SNX29: variants seen among roughly 807,000 people sequenced by gnomAD.
The protein encoded by SNX29 is sorting nexin 29, also known as sorting nexin-29.
A neutral mutation model predicts 102.1 loss-of-function variants in SNX29; 78 were observed. The ratio of observed to expected loss-of-function variants is 0.76; its 90% CI spans 0.64 to 0.92. The LOEUF is 0.92. Among genes scored for constraint, SNX29 ranks in the 40% least tolerant of loss-of-function variants. The pLI is 0.00. For synonymous variants in SNX29, 580 were observed against 414.5 expected, an observed-to-expected ratio of 1.40 and a Z score of -4.85; for missense variants, 1,280 against 1,061.7, an observed-to-expected ratio of 1.21 and a Z score of -2.86.
At chr16:12,094,049 C>T (rs373139250) in intron 11 of SNX29, among the ~76,000 whole-genome samples, 1 of 152,130 alleles carries the variant, frequency 6.6e-6, no homozygotes, top group South Asian at 2.1e-4. Context: ...TGTGTTCTTA[C>T]GCACATCCCT....
chr16:12,547,684 G>A (rs963340421), intron 20 of SNX29, among the ~76,000 whole-genome samples: 65 of 151,998 alleles, frequency 4.3e-4, no homozygotes, highest in Non-Finnish European at 7.2e-4. Flanking sequence ...ATAAAACCTG[G>A]CCCCCGCGTT....
chr16:12,520,979 A>C (rs1025660041), intron 19 of SNX29, among the ~76,000 whole-genome samples: 3 of 152,144 alleles, frequency 2.0e-5, no homozygotes, highest in Non-Finnish European at 4.4e-5. Context: ...TGGGCGGATC[A>C]CTTGAAGTCA....
intron 20 of SNX29, among the ~76,000 whole-genome samples, chr16:12,545,911 G>A (rs763695076): frequency 1.3e-5 from 2 of 152,144 alleles, no homozygotes; most frequent in Non-Finnish European, 2.9e-5. Flanking sequence ...GAGCATTCTA[G>A]GTGTTCGGGG....
intron 11 of SNX29, among the ~76,000 whole-genome samples, chr16:12,083,445 T>C (rs1321073421): frequency 6.6e-6 from 1 of 152,156 alleles, no homozygotes; most frequent in Non-Finnish European, 1.5e-5. Flanking sequence ...TCTGTCCTTA[T>C]GTGGCCTTTC....
rs747770060 is a variant in SNX29, at chr16:12,052,032, G to A, written c.934G>A (p.Gly312Arg). Reference protein sequence around the residue: ...NIMSAFESPFGPNSNGSQSSN... With the variant: ...NIMSAFESPFRPNSNGSQSSN... ...CATGTCCGCCTTTGAAAGCCCCTTCGGGCCTAACTCCAATGGAAGTCAGAG... is the reference window on the plus strand; with the variant it reads ...CATGTCCGCCTTTGAAAGCCCCTTCAGGCCTAACTCCAATGGAAGTCAGAG... The change falls in exon 8 of 21, where the codon GGG (glycine) becomes AGG (arginine). Residue 312 changes from glycine (G) to arginine (R), a missense_variant. By Grantham distance (125) the Gly-to-Arg change is moderately radical. Transcript: ENST00000566228. The A allele has an allele frequency of 5.6e-5, 91 of 1,613,794 alleles. No individual in the cohort carries two copies. In the Middle Eastern group the frequency reaches 1.2e-3, roughly 20 times the overall value.
chr16:12,143,283 C>T (rs943899663), intron 13 of SNX29, among the ~76,000 whole-genome samples: 6 of 152,162 alleles, frequency 3.9e-5, no homozygotes, highest in African/African-American at 1.4e-4. Flanking sequence ...AGGCATGAGC[C>T]ACTGCGCCTG....
At chr16:12,483,317 TTCTTTTTTTTTTTTTTTCCA>T (rs2088060932) in intron 19 of SNX29, among the ~76,000 whole-genome samples, 1 of 116,002 alleles carries the variant, frequency 8.6e-6, no homozygotes, top group African/African-American at 3.2e-5. Flanking sequence ...CCATTTACTT[TTCTTTTTTTTTTTTTTTCCA>T]GACGGAGTCT....
chr16:12,003,906 C>G (rs1040371823), intron 3 of SNX29, among the ~76,000 whole-genome samples: 12 of 151,730 alleles, frequency 7.9e-5, no homozygotes, highest in African/African-American at 2.9e-4. Context: ...TCTTGGGAGG[C>G]TGAGGCAGGA....
chr16:12,549,860 A>G (rs2077855908), intron 20 of SNX29, among the ~76,000 whole-genome samples: 1 of 152,370 alleles, frequency 6.6e-6, no homozygotes, highest in Admixed American at 6.5e-5. Flanking sequence ...CTGTGGTGAA[A>G]CAGCCAAAGA....
intron 13 of SNX29, among the ~76,000 whole-genome samples, chr16:12,146,457 G>C (rs534048138): frequency 6.6e-6 from 1 of 152,060 alleles, no homozygotes; most frequent in African/African-American, 2.4e-5. Flanking sequence ...ATAGAGATGG[G>C]GTTTTGCCAT....
At chr16:12,066,405 A>G (rs2051039039) in intron 9 of SNX29, among the ~76,000 whole-genome samples, 1 of 151,932 alleles carries the variant, frequency 6.6e-6, no homozygotes, top group Non-Finnish European at 1.5e-5. Flanking sequence ...TGCTCTTGTG[A>G]GCTTACAGCC....
chr16:12,555,542 ATACCGT>A (rs1218023005), intron 20 of SNX29, among the ~76,000 whole-genome samples: 4 of 151,096 alleles, frequency 2.6e-5, no homozygotes, highest in Admixed American at 2.0e-4. Context: ...CTGGGAGGTC[ATACCGT>A]GGGTTTGAGC....
chr16:12,529,071 C>G (rs965513803), intron 20 of SNX29, among the ~76,000 whole-genome samples: 1 of 152,232 alleles, frequency 6.6e-6, no homozygotes, highest in Non-Finnish European at 1.5e-5. Context: ...GCCATCTGCA[C>G]AAATCTGAGT....
chr16:12,220,535 A>G (rs1033419312), intron 14 of SNX29, among the ~76,000 whole-genome samples: 2 of 152,052 alleles, frequency 1.3e-5, no homozygotes, highest in Admixed American at 1.3e-4. Context: ...AAATGGAAAG[A>G]GTGAAATGAC....
At chr16:12,223,397 T>C (rs853871) in intron 14 of SNX29, among the ~76,000 whole-genome samples, 151,968 of 152,300 alleles carry the variant, frequency 1, 75,818 homozygotes, top group Non-Finnish European at 1. Context: ...CACGGTGGCT[T>C]ATGCCTGTAA....
intron 11 of SNX29, among the ~76,000 whole-genome samples, chr16:12,107,697 G>A (rs1032977572): frequency 6.6e-6 from 1 of 152,134 alleles, no homozygotes; most frequent in Non-Finnish European, 1.5e-5. Flanking sequence ...GAAGAGAATC[G>A]AGGTGACGAG....
At chr16:12,013,541 A>ATATATATC (rs1325376334) in intron 3 of SNX29, among the ~76,000 whole-genome samples, 6 of 119,220 alleles carry the variant, frequency 5.0e-5, no homozygotes, top group African/African-American at 1.5e-4. Context: ...ATATATATAT[A>ATATATATC]TCGAGAGAGG....
rs1033248026 is a variant in SNX29 at position 12,052,373 on chromosome 16, C to A, written c.1124+151C>A. 78 of 762,208 alleles carry A rather than the reference C, an allele frequency of 1.0e-4. No individual in the cohort carries two copies. The African/African-American group carries it at 1.3e-3, about 13-fold the overall frequency. The allele number at this position is 762,208 out of a possible 1,614,324, so 47.2% of individuals were successfully genotyped here. Reference sequence around the variant, plus strand: ...CTGGGATTACAGGCACCTGTCACCACACCCAGCTAATTTTTGTATTTTTAG... The same window carrying A: ...CTGGGATTACAGGCACCTGTCACCAAACCCAGCTAATTTTTGTATTTTTAG... On this transcript the variant is annotated intron_variant, in intron 8 of 20. Coordinates refer to ENST00000566228, the MANE Select transcript of SNX29 (RefSeq NM_032167.5).
intron 18 of SNX29, among the ~76,000 whole-genome samples, chr16:12,435,295 G>T (rs937197372): frequency 6.6e-6 from 1 of 152,118 alleles, no homozygotes; most frequent in Non-Finnish European, 1.5e-5. Context: ...CATTTTGCAG[G>T]GACACACTTC....
Sources: allele counts gnomAD v4.1 joint callset (sites outside exome capture counted in the v4.1 genomes callset), GRCh38; gene constraint gnomAD v4.1.1; transcripts MANE v1.5; gene names NCBI Gene and HGNC (gene_info 2026-07-23, HGNC 2026-07-21).